SEPTIN9: variants seen among roughly 807,000 people sequenced by gnomAD.
SEPTIN9 encodes septin-9.
In SEPTIN9, 13 loss-of-function variants were observed where a neutral mutation model predicts 56.6. The observed-to-expected ratio is 0.23, with a 90% CI of 0.15 to 0.37. The LOEUF (loss-of-function observed/expected upper bound fraction) is 0.37, where lower values mean the gene tolerates loss of function less well. SEPTIN9 is among the 10% of genes least tolerant of loss of function. The pLI, the probability that SEPTIN9 is intolerant of heterozygous loss-of-function variation, is 1.00. For missense variants in SEPTIN9, 650 were observed against 823.1 expected, an observed-to-expected ratio of 0.79 and a Z score of 2.57; for synonymous variants, 332 against 334.1, an observed-to-expected ratio of 0.99 and a Z score of 0.07.
At chr17:77,304,003 T>A (rs1311230067) in intron 1 of SEPTIN9, among the ~76,000 whole-genome samples, 1 of 152,222 alleles carries the variant, frequency 6.6e-6, no homozygotes, top group Non-Finnish European at 1.5e-5. Context: ...CTTCTCTCCT[T>A]CTGAGTATGT....
rs1198856884 is a variant in SEPTIN9, at chr17:77,498,712, C to CA, written c.*54_*55insA. ...GCCCCCAAGTCATTTCCGTCCCCCC[C>CA]CAGGCCCTCCCACCACCCCATTTTA... On this transcript the variant is annotated 3_prime_UTR_variant, in exon 12 of 12. Transcript: ENST00000427177. 4.2e-5 allele frequency: 47 copies of CA among 1,112,780 alleles called. No individual in the cohort carries two copies. The highest frequency in any genetic ancestry group is 1.1e-4 in the African/African-American group (7 of 64,826). 68.9% of individuals were successfully genotyped at this position (1,112,780 alleles called of 1,614,324 possible). A position where few individuals can be genotyped will look rare whatever the true frequency, so the allele number is the denominator to read the frequency against.
intron 2 of SEPTIN9, chr17:77,320,336 G>A: frequency 6.2e-7 from 1 of 1,613,110 alleles, no homozygotes; most frequent in East Asian, 2.2e-5. Flanking sequence ...AATGGAGAGG[G>A]ACCGGATCTC....
intron 3 of SEPTIN9, among the ~76,000 whole-genome samples, chr17:77,471,744 G>A (rs1048956075): frequency 2.6e-5 from 4 of 152,264 alleles, no homozygotes; most frequent in African/African-American, 7.2e-5. Context: ...GATTTGCCAG[G>A]AACTAAAGGA....
At chr17:77,485,837 G>A (rs1249975480) in intron 4 of SEPTIN9, among the ~76,000 whole-genome samples, 2 of 151,994 alleles carry the variant, frequency 1.3e-5, no homozygotes, top group Non-Finnish European at 2.9e-5. Context: ...AATTTAGGGT[G>A]TTTTTTGTGT....
In SEPTIN9 at chr17:77,319,518, C is replaced by T; in HGVS notation, c.76+12321C>T. ...CTGCCTGGGCGGGGACGGCAACTGC[C>T]TCTGTCACTGCAGACTAATGGGACG... On this transcript the variant is annotated intron_variant, in intron 2 of 11. Transcript: ENST00000427177. This position sits in a 1 kb window ranked among gnomAD's most constrained non-coding sequence, Gnocchi z 5.3. The T allele has an allele frequency of 2.9e-6, 3 of 1,044,028 alleles. No homozygotes were observed. Among genetic ancestry groups the T allele is most frequent in the Non-Finnish European group, 3.5e-6 (3 of 865,768 alleles). The allele number at this position is 1,044,028 out of a possible 1,614,324, so 64.7% of individuals were successfully genotyped here.
rs373882625 is a variant in SEPTIN9, at chr17:77,368,706, T to C, written c.77-33353T>C. On this transcript the variant is annotated intron_variant, in intron 2 of 11. Coordinates refer to ENST00000427177, the MANE Select transcript of SEPTIN9 (RefSeq NM_001113491.2). ...TAGATTTTTACAATATGAATTAAATTACAAGTTATGAAGGAAAAATTAAGC... is the reference window on the plus strand; with the variant it reads ...TAGATTTTTACAATATGAATTAAATCACAAGTTATGAAGGAAAAATTAAGC... 6.0e-4 allele frequency among the ~76,000 whole-genome samples: 92 copies of C among 152,332 alleles called. 2 individuals carry two copies. In the South Asian group the frequency reaches 0.012, roughly 21 times the overall value.
Position 77,310,439 on chromosome 17 carries a change from G to A in SEPTIN9, c.76+3242G>A, listed in dbSNP as rs11077898. Among the ~76,000 whole-genome samples the A allele has an allele frequency of 0.57, 86,201 of 152,116 alleles. 26,524 individuals carry two copies. Among genetic ancestry groups the A allele is most frequent in the East Asian group, 0.77 (3,964 of 5,164 alleles). ...AACGTGACGGCGTGGAGACTTATCC[G>A]TGTAGATCCACGAAGCCTTGGTTCA... On this transcript the variant is annotated intron_variant, in intron 2 of 11. Coordinates refer to ENST00000427177, the MANE Select transcript of SEPTIN9 (RefSeq NM_001113491.2). The surrounding 1 kb of genome is among the most constrained non-coding windows in gnomAD (Gnocchi z 4.7).
intron 2 of SEPTIN9, among the ~76,000 whole-genome samples, chr17:77,353,443 CGG>C (rs2034124498): frequency 6.6e-6 from 1 of 152,088 alleles, no homozygotes. Flanking sequence ...CACTTGAGGA[CGG>C]TGGAACAGGC....
chr17:77,331,157 C>T (rs2033333428), intron 2 of SEPTIN9, among the ~76,000 whole-genome samples: 1 of 152,080 alleles, frequency 6.6e-6, no homozygotes, highest in South Asian at 2.1e-4. Context: ...GAGTTCCAGA[C>T]CAGGCTGGGC....
intron 3 of SEPTIN9, among the ~76,000 whole-genome samples, chr17:77,407,158 T>C (rs1376271638): frequency 6.6e-6 from 1 of 151,660 alleles, no homozygotes; most frequent in East Asian, 1.9e-4. Context: ...TAGCATGCGC[T>C]TGTAGTCCCA....
intron 2 of SEPTIN9, among the ~76,000 whole-genome samples, chr17:77,359,407 G>T (rs139610414): frequency 6.6e-6 from 1 of 152,184 alleles, no homozygotes; most frequent in Non-Finnish European, 1.5e-5. Context: ...TGCTTAAGGG[G>T]CAAGAAAAAC....
intron 2 of SEPTIN9, among the ~76,000 whole-genome samples, chr17:77,321,645 C>T (rs1187352338): frequency 6.6e-6 from 1 of 152,202 alleles, no homozygotes; most frequent in African/African-American, 2.4e-5. Flanking sequence ...GCCTCAGCCT[C>T]CCAAAGTGCT....
Position 77,492,236 on chromosome 17 carries a change from G to A in SEPTIN9, c.1381-385G>A, listed in dbSNP as rs917179209. ...CGGGCTGCTGGCAGGGAGCTGAGAG[G>A]TTACTGCAGGCGGGGCCCCTGCTGG... On this transcript the variant is annotated intron_variant, in intron 8 of 11. Coordinates refer to ENST00000427177, the MANE Select transcript of SEPTIN9 (RefSeq NM_001113491.2). This position sits in a 1 kb window ranked among gnomAD's most constrained non-coding sequence, Gnocchi z 5.4. 1.3e-5 allele frequency among the ~76,000 whole-genome samples: 2 copies of A among 152,104 alleles called. No individual in the cohort carries two copies. The highest frequency in any genetic ancestry group is 2.1e-4 in the South Asian group (1 of 4,828).
At chr17:77,426,488 G>A (rs1050600719) in intron 3 of SEPTIN9, among the ~76,000 whole-genome samples, 2 of 152,040 alleles carry the variant, frequency 1.3e-5, no homozygotes, top group Admixed American at 6.6e-5. Context: ...ATCGTGGGGC[G>A]GCCTGTGAGA....
At chr17:77,482,963 T>C (rs1320368832) in intron 4 of SEPTIN9, 2 of 180,376 alleles carry the variant, frequency 1.1e-5, no homozygotes, top group Non-Finnish European at 2.4e-5. Flanking sequence ...GGGCGTCCCG[T>C]TTTCCAGGCA....
At chr17:77,359,069 G>A (rs1027560674) in intron 2 of SEPTIN9, among the ~76,000 whole-genome samples, 1 of 152,190 alleles carries the variant, frequency 6.6e-6, no homozygotes, top group South Asian at 2.1e-4. Context: ...AGAAGGGAGA[G>A]GGGAAAGGGC....
chr17:77,422,759 T>C (rs975994311), intron 3 of SEPTIN9, among the ~76,000 whole-genome samples: 1 of 152,170 alleles, frequency 6.6e-6, no homozygotes, highest in Non-Finnish European at 1.5e-5. Context: ...GCTTCCAAAG[T>C]AGGACTCAGG....
chr17:77,353,993 G>A (rs422037), intron 2 of SEPTIN9, among the ~76,000 whole-genome samples: 1 of 151,620 alleles, frequency 6.6e-6, no homozygotes, highest in Non-Finnish European at 1.5e-5. Flanking sequence ...TCCCCACAAG[G>A]GTCCCTAGAA....
At chr17:77,288,254 A>G in intron 1 of SEPTIN9, 3 of 1,016,102 alleles carry the variant, frequency 3.0e-6, no homozygotes, top group Non-Finnish European at 3.6e-6. Flanking sequence ...GGCTGCTTAA[A>G]TGACCTGTGA....
Sources: gnomAD v4.1 joint callset for allele counts (sites outside exome capture counted in the v4.1 genomes callset) on GRCh38, gnomAD v4.1.1 for gene constraint, Gnocchi (gnomAD v3.1) non-coding constraint, MANE v1.5 for transcripts, NCBI Gene and HGNC (gene_info 2026-07-23, HGNC 2026-07-21) for gene names.